ELOVL6: variants seen among roughly 807,000 people sequenced by gnomAD.
ELOVL6 encodes ELOVL fatty acid elongase 6.
A neutral mutation model predicts 31.7 loss-of-function variants in ELOVL6; 8 were observed. The observed-to-expected ratio is 0.25, with a 90% CI of 0.15 to 0.45. The LOEUF (loss-of-function observed/expected upper bound fraction) is 0.45. Among genes scored for constraint, ELOVL6 ranks in the 20% least tolerant of loss-of-function variants. The pLI, the probability that ELOVL6 is intolerant of heterozygous loss-of-function variation, is 1.00. For missense variants in ELOVL6, 126 were observed against 326.4 expected (o/e 0.39, Z 4.73); for synonymous variants, 101 against 117.7 (o/e 0.86, Z 0.92).
chr4:110,176,223 C>T (rs868181329), intron 1 of ELOVL6, among the ~76,000 whole-genome samples: 4 of 151,992 alleles, frequency 2.6e-5, no homozygotes, highest in South Asian at 2.1e-4. Context: ...AATGCAGTGG[C>T]GTGATCTTGG....
At chr4:110,087,168 CCTGT>C (rs921300104) in intron 2 of ELOVL6, among the ~76,000 whole-genome samples, 1 of 151,980 alleles carries the variant, frequency 6.6e-6, no homozygotes, top group African/African-American at 2.4e-5. Flanking sequence ...AGAGGTTCTT[CCTGT>C]CTCTCTTTTT....
chr4:110,137,883 CT>C (rs1757852942), intron 1 of ELOVL6, among the ~76,000 whole-genome samples: 1 of 152,184 alleles, frequency 6.6e-6, no homozygotes, highest in Admixed American at 6.5e-5. Flanking sequence ...CAGAGCTTAA[CT>C]GTATCTCATG....
intron 1 of ELOVL6, among the ~76,000 whole-genome samples, chr4:110,120,790 T>C (rs994646394): frequency 3.5e-5 from 5 of 144,430 alleles, no homozygotes; most frequent in African/African-American, 1.2e-4. Flanking sequence ...TTTTCTTTTT[T>C]TTCTTTTCTT....
chr4:110,066,168 T>C (rs2126224889), intron 2 of ELOVL6, among the ~76,000 whole-genome samples: 1 of 152,332 alleles, frequency 6.6e-6, no homozygotes, highest in East Asian at 1.9e-4. Context: ...GAGAGGTCAC[T>C]GATTTTCCTG....
rs1268308564 is a variant in ELOVL6 at position 110,198,242 on chromosome 4, C to T, written c.89+5G>A. On this transcript the variant is annotated splice_donor_5th_base_variant and intron_variant, in intron 1 of 3. Coordinates refer to ENST00000302274, the MANE Select transcript of ELOVL6 (RefSeq NM_024090.3). The stretch of plus-strand genomic sequence containing the variant: ...GGAACAGTATCAGGCGAAAGCATCA[C>T]GTACCAGTTTTCCTGCATCCATTGG... The T allele has an allele frequency of 6.4e-7, 1 of 1,563,858 alleles. No individual in the cohort carries two copies.
At chr4:110,164,461 A>G (rs1173968333) in intron 1 of ELOVL6, among the ~76,000 whole-genome samples, 2 of 152,308 alleles carry the variant, frequency 1.3e-5, no homozygotes, top group Admixed American at 1.3e-4. Context: ...TGCCATGAAC[A>G]TTTGTCACAA....
At chr4:110,191,859 C>G (rs549504895) in intron 1 of ELOVL6, among the ~76,000 whole-genome samples, 30 of 152,010 alleles carry the variant, frequency 2.0e-4, no homozygotes, top group Admixed American at 1.7e-3. Flanking sequence ...ATTTCAAAAC[C>G]TCCGTCCCCC....
At chr4:110,155,532 T>C (rs1446320975) in intron 1 of ELOVL6, among the ~76,000 whole-genome samples, 1 of 152,172 alleles carries the variant, frequency 6.6e-6, no homozygotes, top group African/African-American at 2.4e-5. Flanking sequence ...ATCACAAATA[T>C]CAGAATTTAT....
At position 110,072,301 on chromosome 4, in the gene ELOVL6, C is replaced by T. The variant is rs542712293; in HGVS notation, c.222-12547G>A. Among the ~76,000 whole-genome samples, 150 of 152,314 alleles carry T rather than the reference C, an allele frequency of 9.8e-4. 1 individual carries two copies. The South Asian group carries it at 0.028, about 28-fold the overall frequency. On this transcript the variant is annotated intron_variant, in intron 2 of 3. Transcript: ENST00000302274. ...GACCATCCTGGCCAACACGGCGAAACGCTGTCTCTACTAAAAATACAAAAA... is the reference window on the plus strand; with the variant it reads ...GACCATCCTGGCCAACACGGCGAAATGCTGTCTCTACTAAAAATACAAAAA...
At chr4:110,189,965 T>C (rs1759565428) in intron 1 of ELOVL6, among the ~76,000 whole-genome samples, 1 of 121,684 alleles carries the variant, frequency 8.2e-6, no homozygotes, top group African/African-American at 3.0e-5. Context: ...AGACTCCATC[T>C]CAAAAAAAAA....
chr4:110,129,120 A>G (rs951408744), intron 1 of ELOVL6, among the ~76,000 whole-genome samples: 5 of 152,200 alleles, frequency 3.3e-5, no homozygotes, highest in Non-Finnish European at 7.4e-5. Flanking sequence ...CTTTTTTTCA[A>G]AAAACTAAAT....
In ELOVL6 at chr4:110,050,238, T is replaced by G. The variant is rs1426942836; in HGVS notation, c.*1100A>C. ...ACAGCCCTGTGATTTCCTTTTGGAA[T>G]TCACAAAAATATCGAAAATATGCGC... On this transcript the variant is annotated 3_prime_UTR_variant, in exon 4 of 4. Coordinates refer to ENST00000302274, the MANE Select transcript of ELOVL6 (RefSeq NM_024090.3). 5 of 152,592 alleles carry G rather than the reference T, an allele frequency of 3.3e-5. No individual in the cohort carries two copies. Among genetic ancestry groups the G allele is most frequent in the African/African-American group, 9.7e-5 (4 of 41,422 alleles). 9.5% of individuals were successfully genotyped at this position (152,592 alleles called of 1,614,324 possible).
chr4:110,106,947 CAGTT>C (rs1225614029), intron 1 of ELOVL6, among the ~76,000 whole-genome samples: 3 of 152,150 alleles, frequency 2.0e-5, no homozygotes, highest in African/African-American at 7.2e-5. Flanking sequence ...TAATTTAAAA[CAGTT>C]GAGCATGTTT....
intron 2 of ELOVL6, among the ~76,000 whole-genome samples, chr4:110,080,108 C>G (rs960167686): frequency 3.6e-5 from 5 of 140,822 alleles, no homozygotes; most frequent in Non-Finnish European, 6.4e-5. Context: ...AATAGCTTAC[C>G]AACCAAAAAA....
chr4:110,126,130 A>T (rs928285220), intron 1 of ELOVL6, among the ~76,000 whole-genome samples: 3 of 151,926 alleles, frequency 2.0e-5, no homozygotes, highest in Non-Finnish European at 4.4e-5. Context: ...TGCAACCTCT[A>T]CATCCCAGGC....
intron 2 of ELOVL6, among the ~76,000 whole-genome samples, chr4:110,084,011 G>GT (rs1560813501): frequency 4.8e-4 from 31 of 64,686 alleles, no homozygotes; most frequent in South Asian, 2.8e-3. Context: ...TGCCATATAT[G>GT]GTATATAACA....
At chr4:110,092,114 C>T (rs1303760275) in intron 2 of ELOVL6, among the ~76,000 whole-genome samples, 1 of 152,164 alleles carries the variant, frequency 6.6e-6, no homozygotes, top group African/African-American at 2.4e-5. Flanking sequence ...TGCTAGCAAC[C>T]AGTGAAATTA....
intron 1 of ELOVL6, among the ~76,000 whole-genome samples, chr4:110,114,708 C>T (rs1160116073): frequency 2.0e-5 from 3 of 152,034 alleles, no homozygotes; most frequent in Non-Finnish European, 4.4e-5. Flanking sequence ...AAGCCTAGGA[C>T]GTCTTATAAC....
At chr4:110,069,606 C>A (rs1217971272) in intron 2 of ELOVL6, among the ~76,000 whole-genome samples, 1 of 152,164 alleles carries the variant, frequency 6.6e-6, no homozygotes, top group Non-Finnish European at 1.5e-5. Context: ...GTTTTATAGA[C>A]AAAGAAACAG....
Sources: gnomAD v4.1 joint callset for allele counts (sites outside exome capture counted in the v4.1 genomes callset) on GRCh38, gnomAD v4.1.1 for gene constraint, MANE v1.5 for transcripts, NCBI Gene and HGNC (gene_info 2026-07-23, HGNC 2026-07-21) for gene names.